NOM1: variants seen among roughly 807,000 people sequenced by gnomAD.
NOM1 encodes the protein nucleolar protein with MIF4G domain 1.
NOM1 carries 58 observed loss-of-function variants against 73.3 expected under a neutral mutation model. The ratio of observed to expected loss-of-function variants is 0.79; its 90% CI spans 0.64 to 0.99. NOM1 has a LOEUF of 0.99. Among genes scored for constraint, NOM1 ranks in the 50% least tolerant of loss-of-function variants. The pLI, the probability that NOM1 is intolerant of heterozygous loss-of-function variation, is 0.00. For synonymous variants in NOM1, 487 were observed against 446.8 expected, an observed-to-expected ratio of 1.09 and a Z score of -1.14; for missense variants, 1,226 against 1,131.9, an observed-to-expected ratio of 1.08 and a Z score of -1.19.
chr7:156,965,618 C>T lies in NOM1; in HGVS notation c.2034-652C>T, dbSNP rs2134795388. 1.3e-5 allele frequency among the ~76,000 whole-genome samples: 2 copies of T among 152,322 alleles called. 1 individual carries two copies. The highest frequency in any genetic ancestry group is 2.9e-5 in the Non-Finnish European group (2 of 68,026). ...GTTTTACTGTGTGTGAGCTCTAACTCAAGTTTTACAAACGACGGCAGGCAC... is the reference window on the plus strand; with the variant it reads ...GTTTTACTGTGTGTGAGCTCTAACTTAAGTTTTACAAACGACGGCAGGCAC... On this transcript the variant is annotated intron_variant, in intron 7 of 10. Coordinates refer to ENST00000275820, the MANE Select transcript of NOM1 (RefSeq NM_138400.2).
chr7:156,950,650 G>T lies in NOM1; in HGVS notation c.913G>T (p.Gly305Trp). The T allele has an allele frequency of 6.4e-7, 1 of 1,553,420 alleles. No individual in the cohort carries two copies. The highest frequency in any genetic ancestry group is 8.7e-7 in the Non-Finnish European group (1 of 1,147,778). ...KEKGAQEKRR[G>W]KRVRFAEDEE... ...AAAGGGAGCGCAGGAGAAAAGGAGG[G>T]GGAAGAGAGTCCGTTTTGCAGAAGA... is the stretch of plus-strand genomic sequence containing the variant. Residue 305 changes from glycine to tryptophan, a missense_variant, in exon 1 of 11, where the codon GGG becomes TGG. Physicochemically the swap from Gly to Trp is radical, Grantham distance 184. Coordinates refer to ENST00000275820, the MANE Select transcript of NOM1 (RefSeq NM_138400.2).
In NOM1 at chr7:156,949,859, C is replaced by T. The variant is rs1229942916; in HGVS notation, c.122C>T (p.Ala41Val). 1 of 1,505,872 alleles carries T rather than the reference C, an allele frequency of 6.6e-7. No individual in the cohort carries two copies. The allele number at this position is 1,505,872 out of a possible 1,614,324, so 93.3% of individuals were successfully genotyped here. A position where few individuals can be genotyped will look rare whatever the true frequency, so the allele number is the denominator to read the frequency against. ...GGTCCTGCTGGCGGTGGGGAGAAGG[C>T]CCTGAAGAGGCTGAAGCTAGCGGTG... ...RRGPAGGGEK[A>V]LKRLKLAVEE... Residue 41 changes from alanine (A) to valine (V), a missense_variant, in exon 1 of 11, where the codon GCC (alanine) becomes GTC (valine). Transcript: ENST00000275820.
At chr7:156,960,332 ACCTTATT>A in intron 4 of NOM1, 158 bp downstream of exon 4, 1 of 608,372 alleles carries the variant, frequency 1.6e-6, no homozygotes, top group Non-Finnish European at 2.9e-6. Context: ...ATGTGAATGG[ACCTTATT>A]CCTTTACCAG....
Position 156,970,153 on chromosome 7 carries a change from G to C in NOM1, c.*450G>C, listed in dbSNP as rs1408468481. ...AAATTAGCCAGGCATGATGGCACAT[G>C]CTGGTAATAGCAGCTACTGAGGTGG... is the stretch of plus-strand genomic sequence containing the variant. On this transcript the variant is annotated 3_prime_UTR_variant, in exon 11 of 11. Coordinates refer to ENST00000275820, the MANE Select transcript of NOM1 (RefSeq NM_138400.2). 6.6e-6 allele frequency: 1 copy of C among 152,392 alleles called. No individual in the cohort carries two copies. Among genetic ancestry groups the C allele is most frequent in the Non-Finnish European group, 1.5e-5 (1 of 68,274 alleles). The allele number at this position is 152,392 out of a possible 1,614,324, so 9.4% of individuals were successfully genotyped here. A position where few individuals can be genotyped will look rare whatever the true frequency, so the allele number is the denominator to read the frequency against.
intron 2 of NOM1, 64 bp from the exon 3 acceptor site, chr7:156,954,039 A>T (rs1056311294): frequency 1.1e-5 from 16 of 1,432,164 alleles, no homozygotes; most frequent in Non-Finnish European, 9.6e-6. Context: ...TTAATTTTTT[A>T]AAATTGAACT....
intron 9 of NOM1, among the ~76,000 whole-genome samples, chr7:156,967,385 G>A (rs1362000650): frequency 6.6e-6 from 1 of 152,216 alleles, no homozygotes; most frequent in Non-Finnish European, 1.5e-5. Flanking sequence ...GTCACTGTTA[G>A]TGAGGAGAAG....
chr7:156,956,523 G>T (rs1049395544), intron 3 of NOM1, among the ~76,000 whole-genome samples: 2 of 152,192 alleles, frequency 1.3e-5, no homozygotes, highest in African/African-American at 4.8e-5. Context: ...TACCACTGCT[G>T]ATTTCTTTGT....
chr7:156,950,823 G>GATA, intron 1 of NOM1, 99 bp downstream of exon 1: 2 of 1,070,232 alleles, frequency 1.9e-6, no homozygotes, highest in Non-Finnish European at 2.7e-6. Context: ...TTGGTGTCTT[G>GATA]ATAATGGTTT....
chr7:156,957,512 ACG>A (rs1804751686), intron 3 of NOM1, among the ~76,000 whole-genome samples: 1 of 152,208 alleles, frequency 6.6e-6, no homozygotes, highest in Admixed American at 6.5e-5. Flanking sequence ...GTGGTGGCTC[ACG>A]CCTGTAATCC....
intron 3 of NOM1, among the ~76,000 whole-genome samples, chr7:156,955,542 A>G (rs950227358): frequency 6.6e-6 from 1 of 152,224 alleles, no homozygotes; most frequent in African/African-American, 2.4e-5. Context: ...ACTCCAAAAA[A>G]TAGGCCACAG....
In NOM1 at chr7:156,950,174, C is replaced by T. The variant is rs199647631; in HGVS notation, c.437C>T (p.Pro146Leu). The T allele has an allele frequency of 5.6e-6, 9 of 1,602,862 alleles. No individual in the cohort carries two copies. Among genetic ancestry groups the T allele is most frequent in the Non-Finnish European group, 6.8e-6 (8 of 1,177,356 alleles). Residue 146 changes from proline (P) to leucine (L), a missense_variant, in exon 1 of 11, where the codon CCG (proline) becomes CTG (leucine). By Grantham distance (98) the Pro-to-Leu change is moderately conservative (BLOSUM62 -3). Coordinates refer to ENST00000275820, the MANE Select transcript of NOM1 (RefSeq NM_138400.2). ...CCCTCGCCTCCCAGGAAGCCGCGGC[C>T]GTCCCGGGTCAAGGCCAAGGCCACG... ...RDPSPPRKPRPSRVKAKATAA... is the reference protein window; with the variant it reads ...RDPSPPRKPRLSRVKAKATAA...
Position 156,950,063 on chromosome 7 carries a change from G to T in NOM1, c.326G>T (p.Gly109Val). 6.5e-7 allele frequency: 1 copy of T among 1,543,740 alleles called. No individual in the cohort carries two copies. The highest frequency in any genetic ancestry group is 1.2e-5 in the South Asian group (1 of 84,244). Reference protein sequence around the residue: ...QRTAGPEQGPGLGGRSGAEEA... With the variant: ...QRTAGPEQGPVLGGRSGAEEA... ...ACGGCGGGCCCCGAACAGGGTCCCG[G>T]CCTGGGAGGCCGAAGCGGAGCCGAA... is the stretch of plus-strand genomic sequence containing the variant. The change falls in exon 1 of 11, where the codon GGC (glycine) becomes GTC (valine). Residue 109 changes from glycine (G) to valine (V), a missense_variant. Physicochemically the swap from Gly to Val is moderately radical, Grantham distance 109 (BLOSUM62 -3). Coordinates refer to ENST00000275820, the MANE Select transcript of NOM1 (RefSeq NM_138400.2).
chr7:156,962,461 T>A (rs1161356297), intron 5 of NOM1, among the ~76,000 whole-genome samples, 200 bp downstream of exon 5: 4 of 152,140 alleles, frequency 2.6e-5, no homozygotes, highest in Non-Finnish European at 5.9e-5. Flanking sequence ...AGAATGTCCG[T>A]GTGTGGGGAA....
intron 3 of NOM1, among the ~76,000 whole-genome samples, chr7:156,956,902 T>C (rs1206720626): frequency 7.9e-5 from 12 of 152,152 alleles, no homozygotes; most frequent in East Asian, 3.8e-4. Flanking sequence ...CTCCCTGTCC[T>C]CCTAGAGGAC....
chr7:156,969,925 A>C lies in NOM1; in HGVS notation c.*222A>C. 1.1e-5 allele frequency: 4 copies of C among 364,428 alleles called. No homozygotes were observed. The highest frequency in any genetic ancestry group is 5.0e-5 in the East Asian group (1 of 19,924). The allele number at this position is 364,428 out of a possible 1,614,324, so 22.6% of individuals were successfully genotyped here. ...GGTGAGAGGAGAAGGAGGGAGGGAA[A>C]AGGGGTCAGGCACACTGGACAGGGT... On this transcript the variant is annotated 3_prime_UTR_variant, in exon 11 of 11. Coordinates refer to ENST00000275820, the MANE Select transcript of NOM1 (RefSeq NM_138400.2).
intron 3 of NOM1, among the ~76,000 whole-genome samples, chr7:156,955,688 C>G (rs111528886): frequency 2.0e-5 from 3 of 152,202 alleles, no homozygotes; most frequent in African/African-American, 4.8e-5. Flanking sequence ...GTGCAGCAGG[C>G]AAAGCCGCTG....
At chr7:156,957,419 T>C (rs1034112670) in intron 3 of NOM1, among the ~76,000 whole-genome samples, 4 of 152,228 alleles carry the variant, frequency 2.6e-5, no homozygotes, top group Admixed American at 6.5e-5. Context: ...ATATTTTATT[T>C]TGAAGACATT....
intron 1 of NOM1, 142 bp from the exon 2 acceptor site, chr7:156,952,332 T>A: frequency 1.2e-6 from 1 of 830,622 alleles, no homozygotes; most frequent in Non-Finnish European, 1.9e-6. Flanking sequence ...ACTCAATAAA[T>A]CTGATGTATT....
Position 156,963,037 on chromosome 7 carries a change from G to A in NOM1, c.1773G>A (p.Thr591=), listed in dbSNP as rs61741545. Residue 591 remains threonine, a synonymous_variant, in exon 6 of 11, where the codon ACG becomes ACA. Coordinates refer to ENST00000275820, the MANE Select transcript of NOM1 (RefSeq NM_138400.2). The part of the protein sequence containing the change: ...LVRNAGSGSE[T]QLRVSWDSVL... The stretch of plus-strand genomic sequence containing the variant: ...GCAACGCCGGCTCAGGTTCTGAGAC[G>A]CAGCTTCGCGTCTCCTGGGACAGTG... The A allele has an allele frequency of 2.4e-5, 39 of 1,613,342 alleles. No individual in the cohort carries two copies. In the African/African-American group the frequency reaches 3.5e-4, roughly 14 times the overall value.
Sources: gnomAD v4.1 joint callset for allele counts (sites outside exome capture counted in the v4.1 genomes callset) on GRCh38, gnomAD v4.1.1 for gene constraint, MANE v1.5 for transcripts, NCBI Gene and HGNC (gene_info 2026-07-23, HGNC 2026-07-21) for gene names.